Variants in CERKL observed in about 807,000 individuals in gnomAD.
CERKL encodes the protein ceramide kinase-like protein.
In CERKL, 61 loss-of-function variants were observed where a neutral mutation model predicts 63.4. That is an observed-to-expected ratio of 0.96 (90% confidence interval 0.78 to 1.19). The LOEUF is 1.19. Among genes scored for constraint, CERKL ranks in the 50% most tolerant of loss-of-function variants. CERKL has a pLI of 0.00. For missense variants in CERKL, 675 were observed against 655.5 expected (o/e 1.03, Z -0.33); for synonymous variants, 250 against 230.5 (o/e 1.08, Z -0.77).
At chr2:181,568,032 C>T (rs1460080256) in intron 3 of CERKL, among the ~76,000 whole-genome samples, 2 of 152,158 alleles carry the variant, frequency 1.3e-5, no homozygotes, top group Non-Finnish European at 2.9e-5. Context: ...GATGTGAAGC[C>T]TTCACAGTTT....
chr2:181,624,257 G>A (rs1044702298), intron 1 of CERKL, among the ~76,000 whole-genome samples: 4 of 152,140 alleles, frequency 2.6e-5, no homozygotes, highest in African/African-American at 4.8e-5. Flanking sequence ...GCCAGACATG[G>A]TGGCTCATGC....
At chr2:181,581,511 T>A (rs571310114) in intron 2 of CERKL, among the ~76,000 whole-genome samples, 5 of 152,318 alleles carry the variant, frequency 3.3e-5, no homozygotes, top group Admixed American at 2.0e-4. Flanking sequence ...ATTGCCTCAC[T>A]TATTTTGATG....
chr2:181,548,193 G>C (rs947434004), intron 8 of CERKL: 4 of 514,640 alleles, frequency 7.8e-6, no homozygotes, highest in Non-Finnish European at 1.0e-5. Flanking sequence ...GTGCATTGTT[G>C]TATTCAAAGT....
At chr2:181,641,338 TATATATACATATATATAC>T (rs1395885668) in intron 1 of CERKL, among the ~76,000 whole-genome samples, 3 of 6,288 alleles carry the variant, frequency 4.8e-4, no homozygotes, top group African/African-American at 2.4e-3. Flanking sequence ...TATATATATA[TATATATACATATATATAC>T]ACATATTTTT....
At chr2:181,552,482 T>A (rs536088468) in intron 5 of CERKL, among the ~76,000 whole-genome samples, 8 of 152,302 alleles carry the variant, frequency 5.3e-5, no homozygotes, top group Admixed American at 2.6e-4. Flanking sequence ...TGTGCCTTGC[T>A]TCTCCTTTGC....
At chr2:181,632,558 C>T (rs1219960601) in intron 1 of CERKL, among the ~76,000 whole-genome samples, 1 of 152,132 alleles carries the variant, frequency 6.6e-6, no homozygotes, top group Non-Finnish European at 1.5e-5. Flanking sequence ...TACCAAGCAC[C>T]ATACAAAGTT....
At chr2:181,654,040 CAATT>C (rs1223004974) in intron 1 of CERKL, among the ~76,000 whole-genome samples, 1 of 151,806 alleles carries the variant, frequency 6.6e-6, no homozygotes, top group Non-Finnish European at 1.5e-5. Context: ...TACAATGTGT[CAATT>C]AAATTTTTTT....
chr2:181,595,034 C>T (rs923602007), intron 2 of CERKL, among the ~76,000 whole-genome samples: 11 of 152,218 alleles, frequency 7.2e-5, no homozygotes, highest in African/African-American at 2.6e-4. Flanking sequence ...TTACTTTTTA[C>T]ATCATTTATT....
chr2:181,566,241 T>C (rs1214776791), intron 3 of CERKL, 120 bp from the exon 4 acceptor site: 8 of 752,304 alleles, frequency 1.1e-5, no homozygotes, highest in Admixed American at 3.9e-5. Context: ...ACAGCATTTA[T>C]TCTTGAATAT....
At chr2:181,591,822 A>T (rs1018746218) in intron 2 of CERKL, among the ~76,000 whole-genome samples, 23 of 152,252 alleles carry the variant, frequency 1.5e-4, no homozygotes, top group Middle Eastern at 6.8e-3. Context: ...ACAAGGTATG[A>T]CCTCCTAACC....
At chr2:181,578,370 G>C (rs1197563263) in intron 2 of CERKL, among the ~76,000 whole-genome samples, 1 of 152,108 alleles carries the variant, frequency 6.6e-6, no homozygotes, top group Non-Finnish European at 1.5e-5. Flanking sequence ...CATGATCTTG[G>C]CTCACTACAA....
chr2:181,601,913 C>T (rs868696298), intron 2 of CERKL, among the ~76,000 whole-genome samples: 2 of 152,168 alleles, frequency 1.3e-5, no homozygotes, highest in Non-Finnish European at 2.9e-5. Flanking sequence ...TGAGTGCCTC[C>T]AGCTCTTATC....
intron 1 of CERKL, among the ~76,000 whole-genome samples, chr2:181,652,548 G>A (rs905537672): frequency 1.1e-4 from 17 of 152,018 alleles, no homozygotes; most frequent in African/African-American, 4.1e-4. Flanking sequence ...CAAGAAAAAA[G>A]GGAAATTATT....
chr2:181,618,909 A>G (rs1686330717), intron 1 of CERKL, among the ~76,000 whole-genome samples: 2 of 152,322 alleles, frequency 1.3e-5, no homozygotes, highest in East Asian at 1.9e-4. Context: ...ATGAAAATTA[A>G]GCCTAAAATG....
chr2:181,604,217 T>C, intron 1 of CERKL, 138 bp from the exon 2 acceptor site: 5 of 646,622 alleles, frequency 7.7e-6, no homozygotes, highest in Middle Eastern at 4.2e-4. Flanking sequence ...CTGGGCTTAA[T>C]ACCTGGGTGA....
rs376919690 is a variant in CERKL at position 181,565,523 on chromosome 2, T to C, written c.677+535A>G. 4.5e-6 allele frequency: 7 copies of C among 1,572,092 alleles called. No individual in the cohort carries two copies. The highest frequency in any genetic ancestry group is 1.4e-5 in the African/African-American group (1 of 74,070). The stretch of plus-strand genomic sequence containing the variant: ...TTTCCGATGCCCACTGTGAATAACA[T>C]ACCTAAATTGTAGTCACTACATTAT... On this transcript the variant is annotated intron_variant, in intron 4 of 12. Transcript: ENST00000410087.
At chr2:181,620,067 G>GTATTAAT in intron 1 of CERKL, among the ~76,000 whole-genome samples, 1 of 152,116 alleles carries the variant, frequency 6.6e-6, no homozygotes, top group East Asian at 1.9e-4. Context: ...GAACCTCCAT[G>GTATTAAT]GGCAACTGTT....
rs565088019 is a variant in CERKL, at chr2:181,605,697, T to C, written c.239-1618A>G. 4.6e-5 allele frequency among the ~76,000 whole-genome samples: 7 copies of C among 152,254 alleles called. 1 individual carries two copies. The highest frequency in any genetic ancestry group is 1.2e-4 in the African/African-American group (5 of 41,544). On this transcript the variant is annotated intron_variant, in intron 1 of 12. Coordinates refer to ENST00000410087, the MANE Select transcript of CERKL (RefSeq NM_201548.5). ...CCATCCTGCACAGTAAAATTCACAA[T>C]GTCACTCATCTAATCCAAAATCACT...
intron 2 of CERKL, among the ~76,000 whole-genome samples, chr2:181,601,371 C>T (rs1045413382): frequency 1.6e-4 from 25 of 152,096 alleles, no homozygotes; most frequent in African/African-American, 5.6e-4. Context: ...ACCAGCCTGG[C>T]CAACATGGCG....
Sources: gnomAD v4.1 joint callset for allele counts (sites outside exome capture counted in the v4.1 genomes callset) on GRCh38, gnomAD v4.1.1 for gene constraint, MANE v1.5 for transcripts, NCBI Gene and HGNC (gene_info 2026-07-23, HGNC 2026-07-21) for gene names.